FCGR3B: variants seen among roughly 807,000 people sequenced by gnomAD.
The protein encoded by FCGR3B is Fc gamma receptor IIIb.
FCGR3B carries 20 observed loss-of-function variants against 26.7 expected under a neutral mutation model. That is an observed-to-expected ratio of 0.75 (90% CI 0.53 to 1.09). The LOEUF is 1.09. Ranked by LOEUF, FCGR3B falls within the 50% of genes least tolerant of loss-of-function variation. The pLI, the probability that FCGR3B is intolerant of heterozygous loss-of-function variation, is 0.00. For missense variants in FCGR3B, 191 were observed against 279.7 expected (o/e 0.68, Z 2.26); for synonymous variants, 79 against 107.0 (o/e 0.74, Z 1.62).
chr1:161,630,805 T>G, intron 1 of FCGR3B: 1 of 820,138 alleles, frequency 1.2e-6, no homozygotes, highest in Non-Finnish European at 1.8e-6. Context: ...GCTCTTTGGT[T>G]CCACATAGTG....
chr1:161,626,497 A>G (rs1485954452), intron 3 of FCGR3B, 95 bp from the exon 4 acceptor site: 10 of 1,077,104 alleles, frequency 9.3e-6, no homozygotes, highest in Non-Finnish European at 1.3e-5. Flanking sequence ...CCTGAGGCAT[A>G]AGGGAAAGCC....
intron 1 of FCGR3B, chr1:161,630,798 C>G (rs946824372): frequency 6.3e-5 from 47 of 751,206 alleles, no homozygotes; most frequent in Non-Finnish European, 8.5e-5. Context: ...AGTCGAAGCT[C>G]TTTGGTTCCA....
chr1:161,625,932 C>T (rs966345110), intron 4 of FCGR3B, among the ~76,000 whole-genome samples: 2 of 147,334 alleles, frequency 1.4e-5, no homozygotes, highest in Admixed American at 1.4e-4. Flanking sequence ...AATGACACCT[C>T]CTAGCTACCC....
intron 3 of FCGR3B, among the ~76,000 whole-genome samples, chr1:161,627,500 G>T (rs1474054322): frequency 1.7e-4 from 26 of 150,458 alleles, no homozygotes; most frequent in African/African-American, 5.9e-4. Context: ...AAACAAAATT[G>T]GTAGGACGTG....
chr1:161,631,160 G>C lies in FCGR3B; in HGVS notation c.-66C>G, dbSNP rs1165431849. 2.9e-5 allele frequency: 46 copies of C among 1,607,334 alleles called. 3 individuals are homozygous for C. Among genetic ancestry groups the C allele is most frequent in the Non-Finnish European group, 3.8e-5 (45 of 1,177,136 alleles). On this transcript the variant is annotated 5_prime_UTR_variant, in exon 1 of 5. Coordinates refer to ENST00000650385, the MANE Select transcript of FCGR3B (RefSeq NM_001244753.2). ...AGCCCTAAAGGGACCAAGCCGACTAGACAGGAGGGAGTAAACAGCCTTTCC... is the reference window on the plus strand; with the variant it reads ...AGCCCTAAAGGGACCAAGCCGACTACACAGGAGGGAGTAAACAGCCTTTCC...
At chr1:161,626,473 C>G in intron 3 of FCGR3B, 71 bp from the exon 4 acceptor site, 1 of 1,399,522 alleles carries the variant, frequency 7.1e-7, no homozygotes, top group South Asian at 1.4e-5. Context: ...GAAGGGGCCA[C>G]GTACCACCCA....
chr1:161,631,543 C>G (rs553252527), upstream of FCGR3B: 234 of 441,638 alleles, frequency 5.3e-4, 12 homozygotes, highest in South Asian at 4.5e-3. Context: ...CTCAGAACTT[C>G]TCACTCTCCT....
In FCGR3B at chr1:161,624,366, A is replaced by G; in HGVS notation, c.*149T>C. 1.1e-6 allele frequency: 1 copy of G among 877,978 alleles called. No homozygotes were observed. The highest frequency in any genetic ancestry group is 2.5e-5 in the East Asian group (1 of 40,168). 54.4% of individuals were successfully genotyped at this position (877,978 alleles called of 1,614,324 possible). A position where few individuals can be genotyped will look rare whatever the true frequency, so the allele number is the denominator to read the frequency against. ...TCTATGTTTCCTGCTGCTTGTAGAG[A>G]GGCCTGAGGATGATGGGGTTGCAAA... On this transcript the variant is annotated 3_prime_UTR_variant, in exon 5 of 5. Coordinates refer to ENST00000650385, the MANE Select transcript of FCGR3B (RefSeq NM_001244753.2).
chr1:161,630,274 A>G lies in FCGR3B; in HGVS notation c.61+94T>C. On this transcript the variant is annotated intron_variant, in intron 2 of 4. Transcript: ENST00000650385. Reference sequence around the variant, plus strand: ...CTATCCCTGCTAACCCCACATCAGCATTTTCCCATTCAACAAGCATTTCCC... The same window carrying G: ...CTATCCCTGCTAACCCCACATCAGCGTTTTCCCATTCAACAAGCATTTCCC... 5.3e-6 allele frequency: 7 copies of G among 1,316,448 alleles called. 2 individuals are homozygous for G. The South Asian group carries it at 8.7e-5, about 16-fold the overall frequency. The allele number at this position is 1,316,448 out of a possible 1,614,324, so 81.5% of individuals were successfully genotyped here. A position where few individuals can be genotyped will look rare whatever the true frequency, so the allele number is the denominator to read the frequency against.
Position 161,624,347 on chromosome 1 carries a change from T to C in FCGR3B, c.*168A>G, listed in dbSNP as rs1312448913. 5 of 790,296 alleles carry C rather than the reference T, an allele frequency of 6.3e-6. No homozygotes were observed. Among genetic ancestry groups the C allele is most frequent in the Non-Finnish European group, 1.0e-5 (5 of 501,434 alleles). 49.0% of individuals were successfully genotyped at this position (790,296 alleles called of 1,614,324 possible). On this transcript the variant is annotated 3_prime_UTR_variant, in exon 5 of 5. Coordinates refer to ENST00000650385, the MANE Select transcript of FCGR3B (RefSeq NM_001244753.2). The stretch of plus-strand genomic sequence containing the variant: ...AAAGGATCTGGCTCTGAGTTCTATG[T>C]TTCCTGCTGCTTGTAGAGAGGCCTG...
chr1:161,624,946 C>T (rs1441932815), intron 4 of FCGR3B, among the ~76,000 whole-genome samples: 1 of 139,576 alleles, frequency 7.2e-6, no homozygotes, highest in Non-Finnish European at 1.6e-5. Flanking sequence ...AATTGTCAGA[C>T]AATGCTATGG....
Position 161,629,821 on chromosome 1 carries a change from G to T in FCGR3B, c.276C>A (p.Asn92Lys), listed in dbSNP as rs1270864283. The T allele has an allele frequency of 1.4e-5, 20 of 1,404,150 alleles. 2 individuals are homozygous for T. Among genetic ancestry groups the T allele is most frequent in the Non-Finnish European group, 1.9e-5 (20 of 1,067,284 alleles). The allele number at this position is 1,404,150 out of a possible 1,614,324, so 87.0% of individuals were successfully genotyped here. A position where few individuals can be genotyped will look rare whatever the true frequency, so the allele number is the denominator to read the frequency against. The change falls in exon 3 of 5, where the codon AAC becomes AAA. Residue 92 changes from asparagine (N) to lysine (K), a missense_variant. Asn to Lys is a moderately conservative substitution (Grantham distance 94). Around this residue, in one of 2 missense-constraint regions of FCGR3B, gnomAD observed 88 missense variants for 165.2 expected, o/e 0.53. Coordinates refer to ENST00000650385, the MANE Select transcript of FCGR3B (RefSeq NM_001244753.2). The part of the protein sequence containing the change: ...NDSGEYRCQT[N>K]LSTLSDPVQL... ...GCACCGGGTCACTGAGGGTGGAGAGGTTTGTCTGGCACCTGTACTCTCCAC... is the reference window on the plus strand; with the variant it reads ...GCACCGGGTCACTGAGGGTGGAGAGTTTTGTCTGGCACCTGTACTCTCCAC...
At position 161,631,107 on chromosome 1, in the gene FCGR3B, G is replaced by T; in HGVS notation, c.-13C>A. ...GCAGCTGCCACATGATGCCACACTG[G>T]AGTGGACAAGTCACCAAAGATATCC... is the stretch of plus-strand genomic sequence containing the variant. On this transcript the variant is annotated 5_prime_UTR_variant, in exon 1 of 5. Coordinates refer to ENST00000650385, the MANE Select transcript of FCGR3B (RefSeq NM_001244753.2). 1 of 1,607,610 alleles carries T rather than the reference G, an allele frequency of 6.2e-7. No homozygotes were observed.
At chr1:161,631,526 A>C, upstream of FCGR3B, 1 of 456,486 alleles carries the variant, frequency 2.2e-6, no homozygotes, top group Non-Finnish European at 3.8e-6. Flanking sequence ...GGCTTCCTGC[A>C]TTTCACCTCA....
At chr1:161,624,937 A>G (rs1679388891) in intron 4 of FCGR3B, among the ~76,000 whole-genome samples, 1 of 140,676 alleles carries the variant, frequency 7.1e-6, no homozygotes, top group African/African-American at 2.6e-5. Flanking sequence ...CAGTTAAGAA[A>G]TTGTCAGACA....
At chr1:161,628,440 A>G (rs1174109491) in intron 3 of FCGR3B, among the ~76,000 whole-genome samples, 1 of 149,978 alleles carries the variant, frequency 6.7e-6, no homozygotes, top group Non-Finnish European at 1.5e-5. Context: ...CTAGACTTCT[A>G]AAGCCAGTTT....
intron 4 of FCGR3B, among the ~76,000 whole-genome samples, chr1:161,624,971 T>C (rs61803013): frequency 0.97 from 131,777 of 135,830 alleles, 64,331 homozygotes; most frequent in Non-Finnish European, 1. Flanking sequence ...GAAACTGGGA[T>C]AAATTTGTTG....
At chr1:161,630,338 G>A (rs1386912958) in intron 2 of FCGR3B, 30 bp downstream of exon 2, 1 of 1,589,884 alleles carries the variant, frequency 6.3e-7, no homozygotes, top group African/African-American at 1.4e-5. Context: ...TGCCCCACTG[G>A]GTCAATCCAA....
upstream of FCGR3B, chr1:161,631,346 C>A (rs1301739534): frequency 2.9e-5 from 22 of 758,700 alleles, 1 homozygote; most frequent in Admixed American, 8.9e-5. Context: ...TTTACTCTCC[C>A]AAAGGTCTGC....
Sources: gnomAD v4.1 joint callset for allele counts (sites outside exome capture counted in the v4.1 genomes callset) on GRCh38, gnomAD v4.1.1 for gene constraint, gnomAD v4.1.1 regional missense constraint, MANE v1.5 for transcripts, NCBI Gene and HGNC (gene_info 2026-07-23, HGNC 2026-07-21) for gene names.